The following SH3BGRL2 variants were observed in gnomAD, a reference collection of about 807,000 sequenced individuals.
The protein encoded by SH3BGRL2 is SH3 domain binding glutamate rich protein like 2.
SH3BGRL2 carries 21 observed loss-of-function variants against 14.8 expected under a neutral mutation model. That is an observed-to-expected ratio of 1.42 (90% confidence interval 1.01 to 2.05). SH3BGRL2 has a LOEUF of 2.05. Ranked by LOEUF, SH3BGRL2 falls within the 30% of genes most tolerant of loss-of-function variation. SH3BGRL2 has a pLI of 0.00. For synonymous variants in SH3BGRL2, 50 were observed against 47.8 expected, an observed-to-expected ratio of 1.05 and a Z score of -0.19; for missense variants, 147 against 130.8, an observed-to-expected ratio of 1.12 and a Z score of -0.61.
intron 2 of SH3BGRL2, among the ~76,000 whole-genome samples, chr6:79,687,976 A>C (rs1302292304): frequency 6.6e-6 from 1 of 152,184 alleles, no homozygotes; most frequent in African/African-American, 2.4e-5. Context: ...TGTTCTCTCC[A>C]GAGACACTGA....
rs1262000142 is a variant in SH3BGRL2 at position 79,703,614 on chromosome 6, A to G, written c.*4105A>G. On this transcript the variant is annotated 3_prime_UTR_variant, in exon 4 of 4. Coordinates refer to ENST00000369838, the MANE Select transcript of SH3BGRL2 (RefSeq NM_031469.4). ...TCTTGTCTTTCATCACTTTATCTCC[A>G]TGTATGTATCCTTAAAGAATAATAA... 6.6e-6 allele frequency: 1 copy of G among 152,036 alleles called. No individual in the cohort carries two copies. The highest frequency in any genetic ancestry group is 1.5e-5 in the Non-Finnish European group (1 of 67,996). The allele number at this position is 152,036 out of a possible 1,614,324, so 9.4% of individuals were successfully genotyped here. A position where few individuals can be genotyped will look rare whatever the true frequency, so the allele number is the denominator to read the frequency against.
rs541216218 is a variant in SH3BGRL2, at chr6:79,677,977, CTGTGGAACTGGCATT to C, written c.231+4183_231+4197del. Among the ~76,000 whole-genome samples, 1,270 of 152,318 alleles carry C rather than the reference CTGTGGAACTGGCATT, an allele frequency of 8.3e-3. 17 individuals are homozygous for C. The highest frequency in any genetic ancestry group is 0.029 in the African/African-American group (1,214 of 41,574). On this transcript the variant is annotated intron_variant, in intron 2 of 3. Transcript: ENST00000369838. ...AAGGTTTTAACCCTTTGTTCTCACT[CTGTGGAACTGGCATT>C]TGTGCAATGCATCAGAAATGAAAAC...
At chr6:79,680,854 T>C in intron 2 of SH3BGRL2, among the ~76,000 whole-genome samples, 1 of 152,350 alleles carries the variant, frequency 6.6e-6, no homozygotes. Context: ...CTTAATTTTC[T>C]GTTTCAATTA....
chr6:79,603,320 G>A, the SH3BGRL2 span, among the ~76,000 whole-genome samples: 1 of 152,134 alleles, frequency 6.6e-6, no homozygotes, highest in Admixed American at 6.5e-5. Context: ...CTGAAGTACT[G>A]CAATTGCCCT....
chr6:79,549,092 C>T, the SH3BGRL2 span, among the ~76,000 whole-genome samples: 2 of 151,990 alleles, frequency 1.3e-5, no homozygotes, highest in African/African-American at 2.4e-5. Context: ...CCAAAGTCTC[C>T]GTGAAATAAC....
At chr6:79,689,680 T>C (rs1304286916) in intron 2 of SH3BGRL2, among the ~76,000 whole-genome samples, 2 of 152,094 alleles carry the variant, frequency 1.3e-5, no homozygotes, top group African/African-American at 2.4e-5. Context: ...GGTTTATATA[T>C]ATGAAACTTG....
intron 1 of SH3BGRL2, among the ~76,000 whole-genome samples, chr6:79,663,195 C>A (rs528890901): frequency 6.6e-6 from 1 of 152,122 alleles, no homozygotes; most frequent in South Asian, 2.1e-4. Flanking sequence ...CCATTGCTGG[C>A]GAGGGACTGC....
chr6:79,568,189 C>T, the SH3BGRL2 span, among the ~76,000 whole-genome samples: 1 of 152,066 alleles, frequency 6.6e-6, no homozygotes, highest in Admixed American at 6.6e-5. Flanking sequence ...ATGCGCACAC[C>T]TAACACCCAG....
rs151140324 is a variant in SH3BGRL2, at chr6:79,648,856, T to A, written c.45+17350T>A. 8.5e-3 allele frequency among the ~76,000 whole-genome samples: 1,301 copies of A among 152,290 alleles called. 17 individuals carry two copies. The highest frequency in any genetic ancestry group is 0.03 in the African/African-American group (1,243 of 41,554). ...AACATAAAGGCTGTGAGGGACAAGA[T>A]TTATTTTACTGCTCTTAAATAAGTG... is the stretch of plus-strand genomic sequence containing the variant. On this transcript the variant is annotated intron_variant, in intron 1 of 3. Transcript: ENST00000369838.
chr6:79,582,206 C>G, the SH3BGRL2 span, among the ~76,000 whole-genome samples: 1 of 152,174 alleles, frequency 6.6e-6, no homozygotes, highest in Non-Finnish European at 1.5e-5. Context: ...AATGGCCATA[C>G]TGCCCAAAGT....
intron 2 of SH3BGRL2, among the ~76,000 whole-genome samples, chr6:79,676,621 G>A (rs1361602126): frequency 7.8e-6 from 1 of 127,864 alleles, no homozygotes; most frequent in Admixed American, 7.6e-5. Context: ...GTGTGTGTGT[G>A]TGTGTGTGTG....
intron 1 of SH3BGRL2, among the ~76,000 whole-genome samples, chr6:79,654,622 T>G (rs1231958702): frequency 6.6e-6 from 1 of 152,210 alleles, no homozygotes; most frequent in Non-Finnish European, 1.5e-5. Flanking sequence ...ATGCTTCATC[T>G]TGGTTGTTGT....
chr6:79,695,044 A>G (rs138842523), intron 2 of SH3BGRL2, among the ~76,000 whole-genome samples: 306 of 152,322 alleles, frequency 2.0e-3, no homozygotes, highest in African/African-American at 6.9e-3. Flanking sequence ...TGGTTTACAA[A>G]GCCCAGCATA....
the SH3BGRL2 span, among the ~76,000 whole-genome samples, chr6:79,572,400 G>A: frequency 2.0e-5 from 3 of 152,016 alleles, no homozygotes; most frequent in Non-Finnish European, 4.4e-5. Flanking sequence ...GGTATCATGA[G>A]ATTACATTTC....
At chr6:79,665,046 G>A (rs897864881) in intron 1 of SH3BGRL2, among the ~76,000 whole-genome samples, 3 of 151,910 alleles carry the variant, frequency 2.0e-5, no homozygotes, top group Admixed American at 1.3e-4. Context: ...CTAAAAATAC[G>A]AAAATTAGCA....
chr6:79,654,053 C>T (rs150937130), intron 1 of SH3BGRL2, among the ~76,000 whole-genome samples: 106 of 152,222 alleles, frequency 7.0e-4, no homozygotes, highest in African/African-American at 2.4e-3. Context: ...GGTGTGGATG[C>T]ACAAGGTAGA....
chr6:79,620,313 T>C, the SH3BGRL2 span, among the ~76,000 whole-genome samples: 1 of 148,152 alleles, frequency 6.7e-6, no homozygotes, highest in Non-Finnish European at 1.5e-5. Flanking sequence ...AATTTAAAGA[T>C]TTTTTTTTTT....
intron 3 of SH3BGRL2, 98 bp downstream of exon 3, chr6:79,696,663 T>C (rs764896682): frequency 8.1e-5 from 69 of 856,360 alleles, no homozygotes; most frequent in Non-Finnish European, 1.1e-4. Context: ...CATATATAAT[T>C]TCTTAGATTT....
chr6:79,550,160 G>A, the SH3BGRL2 span, among the ~76,000 whole-genome samples: 2 of 152,042 alleles, frequency 1.3e-5, no homozygotes, highest in Non-Finnish European at 2.9e-5. Flanking sequence ...TGTCATGACC[G>A]TGGGTTTGCT....
Sources: allele counts gnomAD v4.1 joint callset (sites outside exome capture counted in the v4.1 genomes callset), GRCh38; gene constraint gnomAD v4.1.1; transcripts MANE v1.5; gene names NCBI Gene and HGNC (gene_info 2026-07-23, HGNC 2026-07-21).